The following TOX3 variants were observed in gnomAD, a reference collection of about 807,000 sequenced individuals.
The protein encoded by TOX3 is TOX high mobility group box family member 3.
Under a neutral mutation model 64.3 loss-of-function variants are expected in TOX3, and 22 were observed. The ratio of observed to expected loss-of-function variants is 0.34; its 90% CI spans 0.24 to 0.49. The LOEUF (loss-of-function observed/expected upper bound fraction) is 0.49, where lower values mean the gene tolerates loss of function less well. Among genes scored for constraint, TOX3 ranks in the 20% least tolerant of loss-of-function variants. The pLI is 0.99. For missense variants in TOX3, 661 were observed against 714.4 expected, an observed-to-expected ratio of 0.93 and a Z score of 0.85; for synonymous variants, 291 against 273.6, an observed-to-expected ratio of 1.06 and a Z score of -0.63.
chr16:52,487,503 C>G (rs1176960475), intron 1 of TOX3, among the ~76,000 whole-genome samples: 1 of 152,148 alleles, frequency 6.6e-6, no homozygotes, highest in African/African-American at 2.4e-5. Flanking sequence ...ACATGTATTG[C>G]TCGAGAAACA....
intron 1 of TOX3, among the ~76,000 whole-genome samples, chr16:52,491,950 C>T (rs1459252949): frequency 1.3e-5 from 2 of 151,994 alleles, no homozygotes; most frequent in South Asian, 2.1e-4. Flanking sequence ...AAGCTGCGCT[C>T]GGGGCTACAC....
chr16:52,528,701 A>T (rs1190878975), intron 1 of TOX3, among the ~76,000 whole-genome samples: 5 of 152,204 alleles, frequency 3.3e-5, no homozygotes, highest in Non-Finnish European at 7.3e-5. Context: ...TTCCAAAGTT[A>T]CCAAAAGTTT....
chr16:52,447,509 C>A lies in TOX3; in HGVS notation c.679-1288G>T, dbSNP rs1349885781. Among the ~76,000 whole-genome samples, 3 of 152,292 alleles carry A rather than the reference C, an allele frequency of 2.0e-5. No homozygotes were observed. In the East Asian group the frequency reaches 5.8e-4, roughly 29 times the overall value. On this transcript the variant is annotated intron_variant, in intron 4 of 6. Transcript: ENST00000219746. Reference sequence around the variant, plus strand: ...ACTCAAAGTGTTAAGAAACCACTGGCCTACCTCTAGGTGAGCCTACTGTTT... The same window carrying A: ...ACTCAAAGTGTTAAGAAACCACTGGACTACCTCTAGGTGAGCCTACTGTTT...
At chr16:52,545,336 G>A (rs1037078159) in intron 1 of TOX3, among the ~76,000 whole-genome samples, 2 of 152,198 alleles carry the variant, frequency 1.3e-5, no homozygotes, top group Admixed American at 1.3e-4. Context: ...GCCAGACGCT[G>A]AGCTGGGCGA....
At chr16:52,488,938 G>C (rs1961601780) in intron 1 of TOX3, among the ~76,000 whole-genome samples, 1 of 152,106 alleles carries the variant, frequency 6.6e-6, no homozygotes, top group South Asian at 2.1e-4. Context: ...TTTCCCCACA[G>C]CAGCTCTGCC....
chr16:52,468,358 C>T, intron 2 of TOX3, 151 bp downstream of exon 2: 2 of 570,310 alleles, frequency 3.5e-6, no homozygotes, highest in Non-Finnish European at 3.0e-6. Flanking sequence ...GTTTTCTTTT[C>T]CAATAAGCTT....
At chr16:52,541,965 C>T (rs556084381) in intron 1 of TOX3, among the ~76,000 whole-genome samples, 1 of 152,130 alleles carries the variant, frequency 6.6e-6, no homozygotes, top group East Asian at 1.9e-4. Context: ...CAGAAAACTA[C>T]AAAATTACAA....
chr16:52,463,042 T>C (rs1356318541), intron 3 of TOX3, among the ~76,000 whole-genome samples: 1 of 152,172 alleles, frequency 6.6e-6, no homozygotes, highest in Non-Finnish European at 1.5e-5. Context: ...ATGAAGCCAA[T>C]AAACATCACT....
At chr16:52,461,108 C>A (rs1172148063) in intron 3 of TOX3, among the ~76,000 whole-genome samples, 1 of 152,246 alleles carries the variant, frequency 6.6e-6, no homozygotes, top group East Asian at 1.9e-4. Flanking sequence ...AAAACACACA[C>A]AACCCTTTGG....
intron 1 of TOX3, among the ~76,000 whole-genome samples, chr16:52,483,562 T>C (rs1174147234): frequency 7.6e-6 from 1 of 130,968 alleles, no homozygotes; most frequent in East Asian, 2.5e-4. Context: ...CAGGGCAGTT[T>C]GGTTTTTTTT....
chr16:52,547,221 C>T (rs1471958893), upstream of TOX3: 1 of 144,814 alleles, frequency 6.9e-6, no homozygotes, highest in South Asian at 1.8e-4. Flanking sequence ...CGCCGCTCCG[C>T]CCCTCCCACC....
rs968097805 is a variant in TOX3, at chr16:52,437,639, G to T, written c.*1586C>A. On this transcript the variant is annotated 3_prime_UTR_variant, in exon 7 of 7. Coordinates refer to ENST00000219746, the MANE Select transcript of TOX3 (RefSeq NM_001080430.4). ...ACCGCTACAGAGCAAGAAAAGGGGG[G>T]AATAAATGGGCACCGAAATAATTAT... 1.1e-4 allele frequency among the ~76,000 whole-genome samples: 17 copies of T among 152,090 alleles called. No homozygotes were observed. The highest frequency in any genetic ancestry group is 2.0e-4 in the Admixed American group (3 of 15,272).
intron 1 of TOX3, among the ~76,000 whole-genome samples, chr16:52,508,690 T>G (rs978815304): frequency 4.6e-5 from 7 of 152,094 alleles, no homozygotes; most frequent in Non-Finnish European, 1.0e-4. Flanking sequence ...GGAAAGTGAC[T>G]ATCTCTGGGG....
chr16:52,536,637 A>ATG (rs1962951007), intron 1 of TOX3, among the ~76,000 whole-genome samples: 1 of 40,536 alleles, frequency 2.5e-5, no homozygotes, highest in Admixed American at 3.2e-4. Context: ...CTATATATAT[A>ATG]TATATATATA....
At position 52,494,966 on chromosome 16, in the gene TOX3, T is replaced by C. The variant is rs573219228; in HGVS notation, c.88-26392A>G. The stretch of plus-strand genomic sequence containing the variant: ...CCATACAGGTAGGGGAGATCTTCCA[T>C]GGAGAAGTGACTCTCCTGAAACAGG... On this transcript the variant is annotated intron_variant, in intron 1 of 6. Transcript: ENST00000219746. 2.7e-3 allele frequency among the ~76,000 whole-genome samples: 413 copies of C among 152,330 alleles called. 3 individuals carry two copies. The highest frequency in any genetic ancestry group is 3.4e-3 in the Admixed American group (52 of 15,308).
intron 1 of TOX3, among the ~76,000 whole-genome samples, chr16:52,476,997 C>T (rs1397626995): frequency 1.3e-5 from 2 of 152,040 alleles, no homozygotes; most frequent in Non-Finnish European, 2.9e-5. Flanking sequence ...ATTTTAGATT[C>T]AGGGAGTAGA....
chr16:52,512,775 T>A (rs769957141), intron 1 of TOX3, among the ~76,000 whole-genome samples: 3 of 151,074 alleles, frequency 2.0e-5, no homozygotes, highest in Non-Finnish European at 4.4e-5. Context: ...GAAGAAAGAA[T>A]CAATGGAAAA....
intron 5 of TOX3, chr16:52,444,954 A>C (rs1315899969): frequency 1.3e-5 from 2 of 152,212 alleles, no homozygotes; most frequent in Admixed American, 1.3e-4. Context: ...TACATAAATA[A>C]AATTCCAGCA....
chr16:52,493,608 C>T (rs1309250510), intron 1 of TOX3, among the ~76,000 whole-genome samples: 1 of 152,094 alleles, frequency 6.6e-6, no homozygotes, highest in East Asian at 1.9e-4. Flanking sequence ...TCCCTAGCCC[C>T]TTTTTTCTCA....
Sources: gnomAD v4.1 joint callset for allele counts (sites outside exome capture counted in the v4.1 genomes callset) on GRCh38, gnomAD v4.1.1 for gene constraint, MANE v1.5 for transcripts, NCBI Gene and HGNC (gene_info 2026-07-23, HGNC 2026-07-21) for gene names.